TASL: variants seen among roughly 807,000 people sequenced by gnomAD.
TASL encodes TLR adaptor interacting with endolysosomal SLC15A4, also known as TLR adapter interacting with SLC15A4 on the lysosome.
TASL carries 6 observed loss-of-function variants against 12.9 expected under a neutral mutation model. The observed-to-expected ratio is 0.46, with a 90% confidence interval of 0.25 to 0.92. TASL has a LOEUF of 0.92. Among genes scored for constraint, TASL ranks in the 40% least tolerant of loss-of-function variants. The pLI is 0.17. For synonymous variants in TASL, 85 were observed against 79.3 expected, an observed-to-expected ratio of 1.07 and a Z score of -0.38; for missense variants, 165 against 212.8, an observed-to-expected ratio of 0.78 and a Z score of 1.40.
At chrX:30,572,686 G>T (rs1343742748) in intron 2 of TASL, among the ~76,000 whole-genome samples, 1 of 112,256 alleles carries the variant, frequency 8.9e-6, no homozygotes, top group Non-Finnish European at 1.9e-5. Context: ...AAGGAAAGAA[G>T]AACTTTATAA....
chrX:30,574,565 A>G (rs1225032999), intron 2 of TASL, among the ~76,000 whole-genome samples: 2 of 111,122 alleles, frequency 1.8e-5, no homozygotes, highest in Non-Finnish European at 3.8e-5. Flanking sequence ...CGCAAAAACT[A>G]TTAGTGGCCA....
rs971073139 is a variant in TASL, at chrX:30,576,884, T to G, written c.-116-18A>C. On this transcript the variant is annotated intron_variant, in intron 1 of 2. Coordinates refer to ENST00000378962, the MANE Select transcript of TASL (RefSeq NM_025159.3). ...ACACTGACCTATGCAAGAAATGTTA[T>G]AAAATATCAATATAAATATTCTGTC... The G allele has an allele frequency of 8.0e-5, 9 of 112,308 alleles. No individual in the cohort carries two copies. Among genetic ancestry groups the G allele is most frequent in the African/African-American group, 2.9e-4 (9 of 30,925 alleles). 9.3% of individuals were successfully genotyped at this position (112,308 alleles called of 1,213,427 possible).
chrX:30,575,914 A>AT (rs1930697324), intron 2 of TASL, among the ~76,000 whole-genome samples: 1 of 111,734 alleles, frequency 8.9e-6, no homozygotes, highest in African/African-American at 3.2e-5. Flanking sequence ...CTTTTGGATC[A>AT]TTTTTTGAAT....
chrX:30,571,290 G>GAAAGAAAGAAAGAAAGAAAGAA (rs1930613618), intron 2 of TASL, among the ~76,000 whole-genome samples: 3 of 43,149 alleles, frequency 7.0e-5, no homozygotes, highest in African/African-American at 2.6e-4. Context: ...AAGAAAGAAA[G>GAAAGAAAGAAAGAAAGAAAGAA]AAAGAAAGAA....
chrX:30,567,311 T>C (rs970423949), intron 2 of TASL, among the ~76,000 whole-genome samples: 2 of 107,790 alleles, frequency 1.9e-5, no homozygotes, highest in African/African-American at 6.7e-5. Flanking sequence ...AGTTGTGTTG[T>C]GAAAAAACAA....
chrX:30,568,481 A>G (rs1006127688), intron 2 of TASL, among the ~76,000 whole-genome samples: 1 of 110,842 alleles, frequency 9.0e-6, no homozygotes, highest in African/African-American at 3.3e-5. Context: ...TGTGTTGTCA[A>G]TTTCATGTGG....
Position 30,559,230 on chromosome X carries a change from C to A in TASL, c.*220G>T. 2.9e-6 allele frequency: 1 copy of A among 346,324 alleles called. No homozygotes were observed. The highest frequency in any genetic ancestry group is 2.6e-5 in the African/African-American group (1 of 38,583). The allele number at this position is 346,324 out of a possible 1,213,427, so 28.5% of individuals were successfully genotyped here. A position where few individuals can be genotyped will look rare whatever the true frequency, so the allele number is the denominator to read the frequency against. On this transcript the variant is annotated 3_prime_UTR_variant, in exon 3 of 3. Coordinates refer to ENST00000378962, the MANE Select transcript of TASL (RefSeq NM_025159.3). ...ATTTTTGCTTCCTTGCTGTACACACCTCTCTTTGAAATCATTCCTTATGGC... is the reference window on the plus strand; with the variant it reads ...ATTTTTGCTTCCTTGCTGTACACACATCTCTTTGAAATCATTCCTTATGGC...
intron 2 of TASL, among the ~76,000 whole-genome samples, chrX:30,570,214 G>A (rs1417752695): frequency 2.1e-5 from 2 of 93,769 alleles, no homozygotes; most frequent in Non-Finnish European, 4.1e-5. Context: ...ATATATGTGT[G>A]TGTACATAAA....
At chrX:30,568,037 G>A (rs1300508667) in intron 2 of TASL, among the ~76,000 whole-genome samples, 2 of 111,731 alleles carry the variant, frequency 1.8e-5, no homozygotes, top group African/African-American at 6.5e-5. Context: ...AGGAGTTAGA[G>A]ACCAGCCTGG....
rs1032803655 is a variant in TASL, at chrX:30,559,142, G to A, written c.*308C>T. 1 of 194,302 alleles carries A rather than the reference G, an allele frequency of 5.1e-6. No individual in the cohort carries two copies. The highest frequency in any genetic ancestry group is 6.9e-5 in the Admixed American group (1 of 14,567). The allele number at this position is 194,302 out of a possible 1,213,427, so 16.0% of individuals were successfully genotyped here. ...CCTTTTTGTTTCATCTCATTTGACTGTCTTCTTTTTTAATTCCTATGTTTC... is the reference window on the plus strand; with the variant it reads ...CCTTTTTGTTTCATCTCATTTGACTATCTTCTTTTTTAATTCCTATGTTTC... On this transcript the variant is annotated 3_prime_UTR_variant, in exon 3 of 3. Transcript: ENST00000378962.
intron 2 of TASL, among the ~76,000 whole-genome samples, chrX:30,566,159 ATTAAT>A (rs1341186028): frequency 2.7e-5 from 3 of 111,532 alleles, no homozygotes; most frequent in African/African-American, 9.8e-5. Context: ...CATCTGAGTA[ATTAAT>A]TTGTTTCTGT....
At chrX:30,576,061 A>G (rs918276139) in intron 2 of TASL, among the ~76,000 whole-genome samples, 4 of 112,003 alleles carry the variant, frequency 3.6e-5, no homozygotes, top group African/African-American at 1.3e-4. Context: ...TGCCAATTTC[A>G]TTAACATTTA....
intron 2 of TASL, among the ~76,000 whole-genome samples, chrX:30,563,121 G>A (rs1235892865): frequency 1.8e-5 from 2 of 111,459 alleles, no homozygotes; most frequent in African/African-American, 3.3e-5. Flanking sequence ...TAATCCCCAC[G>A]TGTCGTGGGA....
chrX:30,577,297 T>A (rs935133095), intron 1 of TASL, among the ~76,000 whole-genome samples: 52 of 112,250 alleles, frequency 4.6e-4, no homozygotes, highest in Admixed American at 2.7e-3. Flanking sequence ...GCTAAACCAG[T>A]GTGGCAATTA....
intron 2 of TASL, among the ~76,000 whole-genome samples, chrX:30,562,291 C>T (rs1383027834): frequency 9.0e-6 from 1 of 111,719 alleles, no homozygotes; most frequent in Non-Finnish European, 1.9e-5. Flanking sequence ...CTGAGTCCCC[C>T]ATGGAGGGAA....
At chrX:30,567,945 A>G (rs947588420) in intron 2 of TASL, among the ~76,000 whole-genome samples, 8 of 112,201 alleles carry the variant, frequency 7.1e-5, no homozygotes, top group Non-Finnish European at 1.5e-4. Context: ...AATATTTTAA[A>G]GTAACTAAGG....
chrX:30,576,417 C>T (rs902732557), intron 2 of TASL, among the ~76,000 whole-genome samples: 4 of 110,970 alleles, frequency 3.6e-5, no homozygotes, highest in African/African-American at 1.3e-4. Context: ...AAAGGACAGG[C>T]AGAGACAGAG....
At chrX:30,569,071 G>A (rs1930548703) in intron 2 of TASL, among the ~76,000 whole-genome samples, 1 of 110,699 alleles carries the variant, frequency 9.0e-6, no homozygotes, top group Non-Finnish European at 1.9e-5. Context: ...GAGTACATTT[G>A]ATTCATCCTG....
Position 30,559,284 on chromosome X carries a change from T to C in TASL, c.*166A>G. 3 of 415,271 alleles carry C rather than the reference T, an allele frequency of 7.2e-6. No individual in the cohort carries two copies. Among genetic ancestry groups the C allele is most frequent in the Non-Finnish European group, 1.3e-5 (3 of 239,592 alleles). 34.2% of individuals were successfully genotyped at this position (415,271 alleles called of 1,213,427 possible). On this transcript the variant is annotated 3_prime_UTR_variant, in exon 3 of 3. Transcript: ENST00000378962. ...TCTTACCATATTCCTTCATCAAGTG[T>C]AATATTATGAGATTTCTCCATGATT...
Sources: allele counts gnomAD v4.1 joint callset (sites outside exome capture counted in the v4.1 genomes callset), GRCh38; gene constraint gnomAD v4.1.1; transcripts MANE v1.5; gene names NCBI Gene and HGNC (gene_info 2026-07-23, HGNC 2026-07-21).